B4GALT5: variants seen among roughly 807,000 people sequenced by gnomAD.
B4GALT5 encodes the protein UDP-Gal:beta-GlcNAc beta-1,4-galactosyltransferase 5.
B4GALT5 carries 11 observed loss-of-function variants against 45.0 expected under a neutral mutation model. That is an observed-to-expected ratio of 0.24 (90% CI 0.15 to 0.40). B4GALT5 has a LOEUF of 0.40. Among genes scored for constraint, B4GALT5 ranks in the 10% least tolerant of loss-of-function variants. B4GALT5 has a pLI of 1.00. For missense variants in B4GALT5, 337 were observed against 500.2 expected (o/e 0.67, Z 3.11); for synonymous variants, 185 against 182.9 (o/e 1.01, Z -0.09).
At position 49,635,700 on chromosome 20, in the gene B4GALT5, T is replaced by C. The variant is rs1658964349; in HGVS notation, c.*612A>G. On this transcript the variant is annotated 3_prime_UTR_variant, in exon 9 of 9. Transcript: ENST00000371711. Reference sequence around the variant, plus strand: ...GCATTTTACATGGCTTATTTACAATTATACTTCTTCAAGAAGTGATTGTTA... The same window carrying C: ...GCATTTTACATGGCTTATTTACAATCATACTTCTTCAAGAAGTGATTGTTA... 1 of 152,636 alleles carries C rather than the reference T, an allele frequency of 6.6e-6. No individual in the cohort carries two copies. The highest frequency in any genetic ancestry group is 2.4e-5 in the African/African-American group (1 of 41,452). The allele number at this position is 152,636 out of a possible 1,614,324, so 9.5% of individuals were successfully genotyped here.
intron 1 of B4GALT5, among the ~76,000 whole-genome samples, chr20:49,674,302 CAAAGTATACTAATATT>C (rs2085728560): frequency 2.7e-5 from 4 of 150,126 alleles, no homozygotes; most frequent in Admixed American, 2.7e-4. Flanking sequence ...AAACCTAAAT[CAAAGTATACTAATATT>C]AAAAATCCTG....
intron 1 of B4GALT5, among the ~76,000 whole-genome samples, chr20:49,706,362 G>C (rs6019986): frequency 6.6e-6 from 1 of 152,114 alleles, no homozygotes; most frequent in African/African-American, 2.4e-5. Context: ...TCTGAACCCA[G>C]ATCTCTTTTC....
At chr20:49,649,924 C>T (rs1471103229) in intron 2 of B4GALT5, among the ~76,000 whole-genome samples, 1 of 152,052 alleles carries the variant, frequency 6.6e-6, no homozygotes, top group African/African-American at 2.4e-5. Context: ...ATGAAATTCC[C>T]AAAAGTATTA....
intron 1 of B4GALT5, among the ~76,000 whole-genome samples, chr20:49,680,045 T>C (rs1216236954): frequency 6.6e-6 from 1 of 152,252 alleles, no homozygotes; most frequent in Non-Finnish European, 1.5e-5. Flanking sequence ...ACCTTTAAAC[T>C]GTCCCTTTTT....
At chr20:49,675,030 G>A (rs1013368002) in intron 1 of B4GALT5, among the ~76,000 whole-genome samples, 3 of 152,144 alleles carry the variant, frequency 2.0e-5, no homozygotes, top group Admixed American at 6.5e-5. Context: ...AAAATCCCGG[G>A]AAAAATAATC....
intron 2 of B4GALT5, among the ~76,000 whole-genome samples, chr20:49,652,859 G>A (rs545385637): frequency 2.0e-5 from 3 of 152,318 alleles, no homozygotes; most frequent in South Asian, 2.1e-4. Flanking sequence ...TTTCAGCAGA[G>A]GATGGTGCAT....
At chr20:49,673,715 CT>C (rs2085725388) in intron 1 of B4GALT5, among the ~76,000 whole-genome samples, 1 of 152,032 alleles carries the variant, frequency 6.6e-6, no homozygotes, top group Non-Finnish European at 1.5e-5. Context: ...AATAATAGTA[CT>C]TTGATTAAAC....
At chr20:49,664,419 A>AATACACAC (rs2085679883) in intron 1 of B4GALT5, among the ~76,000 whole-genome samples, 2 of 74,376 alleles carry the variant, frequency 2.7e-5, no homozygotes, top group Non-Finnish European at 5.3e-5. Context: ...GAGGTCTCCA[A>AATACACAC]ATACACACAC....
In B4GALT5 at chr20:49,636,138, C is replaced by T; in HGVS notation, c.*174G>A. The T allele has an allele frequency of 2.5e-6, 2 of 784,502 alleles. No individual in the cohort carries two copies. The highest frequency in any genetic ancestry group is 2.0e-6 in the Non-Finnish European group (1 of 503,584). 48.6% of individuals were successfully genotyped at this position (784,502 alleles called of 1,614,324 possible). On this transcript the variant is annotated 3_prime_UTR_variant, in exon 9 of 9. Coordinates refer to ENST00000371711, the MANE Select transcript of B4GALT5 (RefSeq NM_004776.4). ...CACTCCCTCAGTTCCAGCGGCTGAT[C>T]CAGTGAAGGCGTTTGTGCGTGTGCT...
rs779277123 is a variant in B4GALT5 at position 49,634,736 on chromosome 20, G to A, written c.*1576C>T. On this transcript the variant is annotated 3_prime_UTR_variant, in exon 9 of 9. Coordinates refer to ENST00000371711, the MANE Select transcript of B4GALT5 (RefSeq NM_004776.4). The stretch of plus-strand genomic sequence containing the variant: ...CAAAAAATTAGCCAGGTGTGGTGGT[G>A]TGCACCTGTAGTCCCAGCTACTCGG... The A allele has an allele frequency of 5.3e-5, 8 of 152,306 alleles. No homozygotes were observed. The highest frequency in any genetic ancestry group is 7.3e-5 in the Non-Finnish European group (5 of 68,174). The allele number at this position is 152,306 out of a possible 1,614,324, so 9.4% of individuals were successfully genotyped here.
chr20:49,654,011 C>G (rs2085632205), intron 2 of B4GALT5, among the ~76,000 whole-genome samples: 1 of 152,202 alleles, frequency 6.6e-6, no homozygotes. Context: ...TCTGAGAGAA[C>G]TGCCAGTACT....
In B4GALT5 at chr20:49,635,291, A is replaced by C. The variant is rs2085546959; in HGVS notation, c.*1021T>G. 7.2e-6 allele frequency: 1 copy of C among 139,176 alleles called. No homozygotes were observed. The highest frequency in any genetic ancestry group is 2.6e-5 in the African/African-American group (1 of 37,746). The allele number at this position is 139,176 out of a possible 1,614,324, so 8.6% of individuals were successfully genotyped here. ...CAGAACACGAAGCCTGGAGAGCCAG[A>C]GATGTGTGTGCAGCGAGCCCCGAAG... On this transcript the variant is annotated 3_prime_UTR_variant, in exon 9 of 9. Transcript: ENST00000371711.
At position 49,633,099 on chromosome 20, in the gene B4GALT5, C is replaced by A. The variant is rs1984413858; in HGVS notation, c.*3213G>T. 1 of 152,490 alleles carries A rather than the reference C, an allele frequency of 6.6e-6. No homozygotes were observed. The highest frequency in any genetic ancestry group is 2.4e-5 in the African/African-American group (1 of 41,374). 9.4% of individuals were successfully genotyped at this position (152,490 alleles called of 1,614,324 possible). ...CTTTAGATTTCAGTGCAAAAATGTA[C>A]CCCTGGCACCTCTTAAAACGTAAGA... On this transcript the variant is annotated 3_prime_UTR_variant, in exon 9 of 9. Coordinates refer to ENST00000371711, the MANE Select transcript of B4GALT5 (RefSeq NM_004776.4).
intron 2 of B4GALT5, among the ~76,000 whole-genome samples, chr20:49,654,900 A>G (rs2085635872): frequency 6.6e-6 from 1 of 152,144 alleles, no homozygotes; most frequent in Non-Finnish European, 1.5e-5. Context: ...TAAGCTCAGG[A>G]GTACAAGACC....
intron 2 of B4GALT5, among the ~76,000 whole-genome samples, chr20:49,650,252 A>T (rs2085616044): frequency 6.6e-6 from 1 of 152,150 alleles, no homozygotes; most frequent in South Asian, 2.1e-4. Context: ...ATCCTCAAAT[A>T]CGCAACAACT....
At chr20:49,676,666 T>C (rs988180509) in intron 1 of B4GALT5, among the ~76,000 whole-genome samples, 1 of 152,182 alleles carries the variant, frequency 6.6e-6, no homozygotes, top group Non-Finnish European at 1.5e-5. Flanking sequence ...GTTCTAGGAC[T>C]AGAGCAGATG....
intron 1 of B4GALT5, among the ~76,000 whole-genome samples, chr20:49,667,231 G>GTT (rs59201583): frequency 7.2e-6 from 1 of 138,126 alleles, no homozygotes; most frequent in Non-Finnish European, 1.6e-5. Context: ...TTTTTGAAGT[G>GTT]TTTTTTTTTT....
chr20:49,688,789 T>C (rs952870660), intron 1 of B4GALT5, among the ~76,000 whole-genome samples: 5 of 151,610 alleles, frequency 3.3e-5, no homozygotes, highest in African/African-American at 7.3e-5. Context: ...AATTACAAAA[T>C]TGCCAGGCTT....
chr20:49,708,352 T>C (rs907966234), intron 1 of B4GALT5, among the ~76,000 whole-genome samples: 11 of 152,370 alleles, frequency 7.2e-5, no homozygotes, highest in East Asian at 1.9e-4. Context: ...ACTAGCTTTA[T>C]TGAGGTATGA....
Sources: gnomAD v4.1 joint callset for allele counts (sites outside exome capture counted in the v4.1 genomes callset) on GRCh38, gnomAD v4.1.1 for gene constraint, MANE v1.5 for transcripts, NCBI Gene and HGNC (gene_info 2026-07-23, HGNC 2026-07-21) for gene names.